The following AKAP13 variants were observed in gnomAD, a reference collection of about 807,000 sequenced individuals.
AKAP13 encodes the protein A-kinase anchoring protein 13.
A neutral mutation model predicts 264.5 loss-of-function variants in AKAP13; 80 were observed. That is an observed-to-expected ratio of 0.30 (90% CI 0.25 to 0.36). The LOEUF (loss-of-function observed/expected upper bound fraction) is 0.36, where lower values mean the gene tolerates loss of function less well. Ranked by LOEUF, AKAP13 falls within the 10% of genes least tolerant of loss-of-function variation. The probability of loss-of-function intolerance (pLI) is 1.00; values close to 1 mark genes in which losing one functional copy is unlikely to be tolerated. For synonymous variants in AKAP13, 1,380 were observed against 1,250.2 expected (o/e 1.10, Z -2.19); for missense variants, 3,712 against 3,435.2 (o/e 1.08, Z -2.01).
chr15:85,523,417 T>A (rs1596416859), intron 3 of AKAP13, among the ~76,000 whole-genome samples: 1 of 152,184 alleles, frequency 6.6e-6, no homozygotes, highest in Admixed American at 6.5e-5. Context: ...CTTAGACTTG[T>A]GTGTTCCCTT....
At chr15:85,438,392 C>T (rs1397066165) in intron 1 of AKAP13, among the ~76,000 whole-genome samples, 2 of 151,570 alleles carry the variant, frequency 1.3e-5, no homozygotes, top group Non-Finnish European at 2.9e-5. Context: ...GCCATACTTC[C>T]CAAGGTAATT....
chr15:85,575,402 C>G (rs2078970187), intron 6 of AKAP13, 73 bp downstream of exon 6: 3 of 1,402,980 alleles, frequency 2.1e-6, no homozygotes, highest in Non-Finnish European at 3.0e-6. Flanking sequence ...TGTCCCCGCC[C>G]TCCTCCAATG....
At chr15:85,450,306 CTT>C (rs2074038962) in intron 1 of AKAP13, among the ~76,000 whole-genome samples, 1 of 151,656 alleles carries the variant, frequency 6.6e-6, no homozygotes. Flanking sequence ...GATCTTCTCT[CTT>C]TTCTTCTTAA....
chr15:85,710,872 G>GGCA (rs2086598793), intron 19 of AKAP13, among the ~76,000 whole-genome samples: 1 of 152,104 alleles, frequency 6.6e-6, no homozygotes, highest in African/African-American at 2.4e-5. Flanking sequence ...TTAGCTTAAA[G>GGCA]GCAGCACCTT....
rs991908610 is a variant in AKAP13, at chr15:85,547,644, C to T, written c.662+3689C>T. On this transcript the variant is annotated intron_variant, in intron 5 of 36. Coordinates refer to ENST00000394518, the MANE Select transcript of AKAP13 (RefSeq NM_007200.5). ...GAGCTTTTGTTGACTTGCTGTTTCA[C>T]TTTAGCTTATATTTAGATCTTACAT... is the stretch of plus-strand genomic sequence containing the variant. 2.6e-5 allele frequency among the ~76,000 whole-genome samples: 4 copies of T among 152,128 alleles called. No individual in the cohort carries two copies. The East Asian group carries it at 5.8e-4, about 22-fold the overall frequency.
At chr15:85,405,604 G>A (rs1326452988) in intron 1 of AKAP13, among the ~76,000 whole-genome samples, 1 of 152,162 alleles carries the variant, frequency 6.6e-6, no homozygotes, top group Non-Finnish European at 1.5e-5. Flanking sequence ...CTGTGTTTTA[G>A]TTACAGAAAT....
At chr15:85,516,534 T>A (rs2076606084) in intron 2 of AKAP13, among the ~76,000 whole-genome samples, 1 of 152,170 alleles carries the variant, frequency 6.6e-6, no homozygotes, top group African/African-American at 2.4e-5. Flanking sequence ...CCTGTGATGG[T>A]TTGTACTTGA....
At chr15:85,434,761 C>T (rs552496423) in intron 1 of AKAP13, among the ~76,000 whole-genome samples, 1 of 151,986 alleles carries the variant, frequency 6.6e-6, no homozygotes, top group Non-Finnish European at 1.5e-5. Context: ...GCTGAGGGTC[C>T]TGTCTGTTAG....
chr15:85,571,161 G>A (rs1157420807), intron 5 of AKAP13, among the ~76,000 whole-genome samples: 2 of 152,132 alleles, frequency 1.3e-5, no homozygotes, highest in Non-Finnish European at 2.9e-5. Context: ...AATGAGGCCT[G>A]GCTGAATGGA....
chr15:85,569,441 T>TTTTTC (rs1309770110), intron 5 of AKAP13, among the ~76,000 whole-genome samples: 25 of 132,332 alleles, frequency 1.9e-4, no homozygotes, highest in South Asian at 2.8e-4. Context: ...TCAACATATT[T>TTTTTC]TTTTCTTTTC....
chr15:85,671,449 AAAAAAAAAAGAG>A (rs2083922904), intron 14 of AKAP13, among the ~76,000 whole-genome samples: 1 of 141,460 alleles, frequency 7.1e-6, no homozygotes, highest in African/African-American at 2.7e-5. Context: ...AAAAAAAAAA[AAAAAAAAAAGAG>A]AGAGAGAGAA....
rs1437779783 is a variant in AKAP13, at chr15:85,579,716, G to C, written c.1648G>C (p.Glu550Gln). 5.6e-6 allele frequency: 9 copies of C among 1,614,098 alleles called. No individual in the cohort carries two copies. The highest frequency in any genetic ancestry group is 7.6e-6 in the Non-Finnish European group (9 of 1,180,052). ...ASSLDGNKPA[E>Q]SSLAFSNEET... ...TTCCCTGGATGGTAACAAACCTGCT[G>C]AGTCTTCACTTGCATTTAGTAATGA... is the stretch of plus-strand genomic sequence containing the variant. Residue 550 changes from glutamate (E) to glutamine (Q), a missense_variant, in exon 7 of 37, where the codon GAG becomes CAG. Physicochemically the swap from Glu to Gln is conservative, Grantham distance 29. This residue lies in a region of AKAP13 where 2,759 missense variants were observed against 2,411.7 expected (regional missense o/e 1.14). Transcript: ENST00000394518.
intron 1 of AKAP13, among the ~76,000 whole-genome samples, chr15:85,444,178 G>T (rs1053250093): frequency 2.0e-4 from 30 of 152,110 alleles, no homozygotes; most frequent in African/African-American, 6.3e-4. Context: ...GTGATTTAGG[G>T]CTTTCCACTC....
At chr15:85,425,782 A>G (rs1360319634) in intron 1 of AKAP13, among the ~76,000 whole-genome samples, 5 of 150,740 alleles carry the variant, frequency 3.3e-5, no homozygotes, top group Non-Finnish European at 1.5e-5. Context: ...TTACTGTGGG[A>G]GTTAGGGCAA....
intron 15 of AKAP13, 106 bp downstream of exon 15, chr15:85,682,318 C>G: frequency 8.8e-7 from 1 of 1,129,982 alleles, no homozygotes; most frequent in Non-Finnish European, 1.3e-6. Context: ...TTATTGGGTT[C>G]TTCTTTGAGT....
At chr15:85,431,046 T>C (rs1269707641) in intron 1 of AKAP13, among the ~76,000 whole-genome samples, 2 of 152,178 alleles carry the variant, frequency 1.3e-5, no homozygotes, top group Admixed American at 6.5e-5. Flanking sequence ...TAATGAGAGA[T>C]AAAGGTCATA....
chr15:85,743,199 G>C (rs1180055549), intron 35 of AKAP13, among the ~76,000 whole-genome samples: 1 of 152,074 alleles, frequency 6.6e-6, no homozygotes, highest in African/African-American at 2.4e-5. Context: ...TTTCTAAGTC[G>C]CCCCATCAAA....
chr15:85,462,456 T>C (rs1436087097), intron 1 of AKAP13, among the ~76,000 whole-genome samples: 1 of 152,154 alleles, frequency 6.6e-6, no homozygotes, highest in African/African-American at 2.4e-5. Flanking sequence ...AAGTCAGGAT[T>C]CTTTGGAGGA....
chr15:85,560,032 A>G (rs1194536974), intron 5 of AKAP13, among the ~76,000 whole-genome samples: 2 of 150,796 alleles, frequency 1.3e-5, no homozygotes, highest in Non-Finnish European at 2.9e-5. Context: ...TGAACTAAAT[A>G]TAACTGCATT....
Sources: allele counts gnomAD v4.1 joint callset (sites outside exome capture counted in the v4.1 genomes callset), GRCh38; gene constraint gnomAD v4.1.1; regional missense constraint gnomAD v4.1.1; transcripts MANE v1.5; gene names NCBI Gene and HGNC (gene_info 2026-07-23, HGNC 2026-07-21).